Variants in MYLIP observed in about 807,000 individuals in gnomAD.
MYLIP encodes E3 ubiquitin-protein ligase MYLIP.
In MYLIP, 26 loss-of-function variants were observed where a neutral mutation model predicts 45.8. That is an observed-to-expected ratio of 0.57 (90% CI 0.42 to 0.79). The LOEUF is 0.79. Among genes scored for constraint, MYLIP ranks in the 30% least tolerant of loss-of-function variants. The pLI, the probability that MYLIP is intolerant of heterozygous loss-of-function variation, is 0.00. For synonymous variants in MYLIP, 213 were observed against 218.1 expected (o/e 0.98, Z 0.21); for missense variants, 494 against 555.6 (o/e 0.89, Z 1.11).
intron 4 of MYLIP, 34 bp downstream of exon 4, chr6:16,143,251 A>G: frequency 1.3e-6 from 2 of 1,585,892 alleles, no homozygotes; most frequent in Non-Finnish European, 1.7e-6. Context: ...TGACCTAAGC[A>G]TGTGTATACA....
rs1759763188 is a variant in MYLIP, at chr6:16,145,193, A to T, written c.1124A>T (p.Gln375Leu). 2 of 1,614,058 alleles carry T rather than the reference A, an allele frequency of 1.2e-6. No homozygotes were observed. Among genetic ancestry groups the T allele is most frequent in the Non-Finnish European group, 1.7e-6 (2 of 1,180,020 alleles). ...GLSCQQTRVL[Q>L]EKLRKLKEAM... ...AGCTGCCAGCAGACCCGGGTGCTGC[A>T]GGAGAAGCTACGCAAGCTGAAGGAA... The change falls in exon 6 of 7, where the codon CAG becomes CTG. Residue 375 changes from glutamine (Q) to leucine (L), a missense_variant. Coordinates refer to ENST00000356840, the MANE Select transcript of MYLIP (RefSeq NM_013262.4).
chr6:16,150,022 G>T (rs150342962), downstream of MYLIP, among the ~76,000 whole-genome samples: 552 of 152,296 alleles, frequency 3.6e-3, 2 homozygotes, highest in Middle Eastern at 0.014. Context: ...AAGATAAAGA[G>T]AAACATTTGG....
At chr6:16,130,829 C>T (rs574335021) in intron 2 of MYLIP, 82 bp downstream of exon 2, 21 of 1,352,652 alleles carry the variant, frequency 1.6e-5, no homozygotes, top group Non-Finnish European at 1.9e-5. Context: ...CAGAGATACT[C>T]ACAGGCAAGT....
chr6:16,158,761 T>A, the MYLIP span, among the ~76,000 whole-genome samples: 1 of 152,130 alleles, frequency 6.6e-6, no homozygotes, highest in Non-Finnish European at 1.5e-5. Flanking sequence ...TCCCAGCTAC[T>A]CGGGAGGCTG....
chr6:16,162,829 C>T, the MYLIP span, among the ~76,000 whole-genome samples: 6 of 125,656 alleles, frequency 4.8e-5, no homozygotes, highest in South Asian at 1.5e-3. Flanking sequence ...TATATTGAAT[C>T]ATTATTTTGT....
downstream of MYLIP, among the ~76,000 whole-genome samples, chr6:16,151,339 A>G (rs1334051015): frequency 3.3e-5 from 5 of 151,338 alleles, no homozygotes; most frequent in African/African-American, 1.2e-4. Context: ...ACTGGGCGAC[A>G]GAGTGAGACT....
intron 2 of MYLIP, among the ~76,000 whole-genome samples, chr6:16,131,592 A>C (rs1759461859): frequency 6.6e-6 from 1 of 152,246 alleles, no homozygotes. Context: ...GAAAACAGCT[A>C]CTTTGAAGAC....
chr6:16,146,554 A>C, intron 6 of MYLIP, 108 bp from the exon 7 acceptor site: 1 of 814,912 alleles, frequency 1.2e-6, no homozygotes, highest in Non-Finnish European at 2.0e-6. Context: ...CTGTGATCAC[A>C]ATTGATTTAG....
At chr6:16,160,175 T>C in the MYLIP span, among the ~76,000 whole-genome samples, 1 of 152,218 alleles carries the variant, frequency 6.6e-6, no homozygotes, top group African/African-American at 2.4e-5. Flanking sequence ...TTCTCTGTCT[T>C]CATTGTAGTG....
At chr6:16,157,871 G>A in the MYLIP span, among the ~76,000 whole-genome samples, 1 of 152,220 alleles carries the variant, frequency 6.6e-6, no homozygotes, top group Non-Finnish European at 1.5e-5. Flanking sequence ...CTTCATGTAA[G>A]AAAACCAAAC....
chr6:16,141,056 T>C (rs1759660418), intron 2 of MYLIP, among the ~76,000 whole-genome samples: 1 of 152,186 alleles, frequency 6.6e-6, no homozygotes, highest in African/African-American at 2.4e-5. Context: ...GTGGTCTCCA[T>C]TCGGAGAAAA....
the MYLIP span, among the ~76,000 whole-genome samples, chr6:16,159,499 T>C: frequency 6.6e-6 from 1 of 152,344 alleles, no homozygotes; most frequent in East Asian, 1.9e-4. Context: ...CTAACTGTGT[T>C]TGCTGTCCTT....
the MYLIP span, among the ~76,000 whole-genome samples, chr6:16,153,777 G>A: frequency 3.3e-3 from 510 of 152,330 alleles, 5 homozygotes; most frequent in African/African-American, 0.011. Context: ...CATATGAGGT[G>A]TGACACCCCT....
chr6:16,132,038 A>G (rs1759469276), intron 2 of MYLIP, among the ~76,000 whole-genome samples: 1 of 152,204 alleles, frequency 6.6e-6, no homozygotes. Context: ...CACTGTCATA[A>G]CTTGCAGTCG....
chr6:16,135,279 C>T (rs962694708), intron 2 of MYLIP, among the ~76,000 whole-genome samples: 15 of 152,114 alleles, frequency 9.9e-5, no homozygotes, highest in African/African-American at 3.6e-4. Flanking sequence ...TTGGTGTTTG[C>T]CTAGGATGGG....
downstream of MYLIP, among the ~76,000 whole-genome samples, chr6:16,150,925 C>T (rs1247707411): frequency 5.9e-5 from 9 of 152,114 alleles, no homozygotes; most frequent in Admixed American, 2.6e-4. Flanking sequence ...GTCCCCTTAA[C>T]TCTGCCATTG....
At chr6:16,140,609 G>T (rs936758426) in intron 2 of MYLIP, among the ~76,000 whole-genome samples, 2 of 152,160 alleles carry the variant, frequency 1.3e-5, no homozygotes, top group African/African-American at 4.8e-5. Flanking sequence ...CAGAAAGAAT[G>T]GCCCTCAGGA....
rs144304196 is a variant in MYLIP, at chr6:16,147,378, C to G, written c.*627C>G. 3.5e-3 allele frequency: 539 copies of G among 153,098 alleles called. No homozygotes were observed. The highest frequency in any genetic ancestry group is 5.9e-3 in the Non-Finnish European group (403 of 68,304). 9.5% of individuals were successfully genotyped at this position (153,098 alleles called of 1,614,324 possible). On this transcript the variant is annotated 3_prime_UTR_variant, in exon 7 of 7. Coordinates refer to ENST00000356840, the MANE Select transcript of MYLIP (RefSeq NM_013262.4). ...AGTGTGGCTAGTAAAAAGCAGCTCACTCAATGTGGGTGGCTCCCTATTCCT... is the reference window on the plus strand; with the variant it reads ...AGTGTGGCTAGTAAAAAGCAGCTCAGTCAATGTGGGTGGCTCCCTATTCCT...
At position 16,144,960 on chromosome 6, in the gene MYLIP, A is replaced by G; in HGVS notation, c.891A>G (p.Ala297=). ...GCCGTGACTTGAAGGGCCACTTGGC[A>G]TCTCTGTTTCTGAATGAAAACATTA... The part of the protein sequence containing the change: ...QYSRDLKGHL[A]SLFLNENINL... Residue 297 remains alanine, a synonymous_variant, in exon 6 of 7, where the codon GCA becomes GCG. Coordinates refer to ENST00000356840, the MANE Select transcript of MYLIP (RefSeq NM_013262.4). 6.2e-7 allele frequency: 1 copy of G among 1,614,230 alleles called. No individual in the cohort carries two copies. Among genetic ancestry groups the G allele is most frequent in the Non-Finnish European group, 8.5e-7 (1 of 1,180,050 alleles).
Sources: allele counts gnomAD v4.1 joint callset (sites outside exome capture counted in the v4.1 genomes callset), GRCh38; gene constraint gnomAD v4.1.1; transcripts MANE v1.5; gene names NCBI Gene and HGNC (gene_info 2026-07-23, HGNC 2026-07-21).